Variants in PPFIA2 observed in about 807,000 individuals in gnomAD.
PPFIA2 encodes the protein liprin-alpha-2.
A neutral mutation model predicts 175.5 loss-of-function variants in PPFIA2; 46 were observed. The observed-to-expected ratio is 0.26, with a 90% CI of 0.21 to 0.34. The LOEUF is 0.34. Among genes scored for constraint, PPFIA2 ranks in the 10% least tolerant of loss-of-function variants. The pLI, the probability that PPFIA2 is intolerant of heterozygous loss-of-function variation, is 1.00. For missense variants in PPFIA2, 1,179 were observed against 1,506.1 expected, an observed-to-expected ratio of 0.78 and a Z score of 3.60; for synonymous variants, 568 against 511.4, an observed-to-expected ratio of 1.11 and a Z score of -1.49.
chr12:81,324,993 C>A (rs969909004), intron 22 of PPFIA2, among the ~76,000 whole-genome samples: 1 of 151,676 alleles, frequency 6.6e-6, no homozygotes, highest in African/African-American at 2.4e-5. Context: ...TATCTGTTAC[C>A]AAATGATGAT....
intron 3 of PPFIA2, among the ~76,000 whole-genome samples, chr12:81,725,147 T>A (rs908590638): frequency 9.9e-5 from 15 of 150,976 alleles, no homozygotes; most frequent in African/African-American, 3.6e-4. Context: ...TTTTTTTCAG[T>A]TATGTCAGAT....
chr12:81,363,578 GT>G (rs1374327895), intron 14 of PPFIA2, among the ~76,000 whole-genome samples: 2 of 151,414 alleles, frequency 1.3e-5, no homozygotes, highest in Non-Finnish European at 3.0e-5. Flanking sequence ...TTCTATTACT[GT>G]TTTTCCCCTT....
Position 81,341,183 on chromosome 12 carries a change from C to T in PPFIA2, c.2288G>A (p.Arg763Gln), listed in dbSNP as rs760419632. 6.8e-6 allele frequency: 11 copies of T among 1,611,652 alleles called. No homozygotes were observed. Among genetic ancestry groups the T allele is most frequent in the Non-Finnish European group, 7.6e-6 (9 of 1,178,480 alleles). The change falls in exon 20 of 33, where the codon CGA becomes CAA. Residue 763 changes from arginine (R) to glutamine (Q), a missense_variant. Physicochemically the swap from Arg to Gln is conservative, Grantham distance 43 (BLOSUM62 1). This residue lies in a region of PPFIA2 where 223 missense variants were observed against 241.6 expected (regional missense o/e 0.92). Coordinates refer to ENST00000549396, the MANE Select transcript of PPFIA2 (RefSeq NM_003625.5). ...RKIAVVEEDGREDKATIKCET... is the reference protein window; with the variant it reads ...RKIAVVEEDGQEDKATIKCET... Reference sequence around the variant, plus strand: ...ACATTTAATTGTTGCTTTGTCCTCTCGACCATCTTCTTCCACAACTGCAAT... The same window carrying T: ...ACATTTAATTGTTGCTTTGTCCTCTTGACCATCTTCTTCCACAACTGCAAT...
intron 4 of PPFIA2, among the ~76,000 whole-genome samples, chr12:81,519,250 T>C (rs1594377908): frequency 6.6e-6 from 1 of 152,224 alleles, no homozygotes; most frequent in African/African-American, 2.4e-5. Flanking sequence ...TATATTAATA[T>C]TGTGCTGGAA....
chr12:81,458,360 TA>T (rs1555399238), intron 4 of PPFIA2, among the ~76,000 whole-genome samples: 192 of 6,108 alleles, frequency 0.031, no homozygotes, highest in South Asian at 0.071. Context: ...TTTTACAAAA[TA>T]ACAAAATAAC....
chr12:81,329,816 T>G (rs141652604), intron 21 of PPFIA2, among the ~76,000 whole-genome samples: 2 of 152,314 alleles, frequency 1.3e-5, no homozygotes, highest in East Asian at 3.9e-4. Context: ...CTGGTCCCAG[T>G]GTCTGAACGG....
At chr12:81,263,138 G>C in intron 31 of PPFIA2, 93 bp downstream of exon 31, 2 of 1,296,306 alleles carry the variant, frequency 1.5e-6, no homozygotes, top group Non-Finnish European at 2.1e-6. Flanking sequence ...ACCAACTCAA[G>C]AAAATAATTC....
chr12:81,277,428 T>TAAAA lies in PPFIA2; in HGVS notation c.3213-18_3213-15dup, dbSNP rs751621027. On this transcript the variant is annotated splice_polypyrimidine_tract_variant and intron_variant, in intron 27 of 32. Transcript: ENST00000549396. Reference sequence around the variant, plus strand: ...TGTAAACTTGTTCTTTTTTTTTTATTAAAAAAAAAAAAACACAGTGAGTCT... The same window carrying TAAAA: ...TGTAAACTTGTTCTTTTTTTTTTATTAAAAAAAAAAAAAAAAACACAGTGAGTCT... 6.9e-6 allele frequency: 8 copies of TAAAA among 1,161,456 alleles called. No individual in the cohort carries two copies. Among genetic ancestry groups the TAAAA allele is most frequent in the Admixed American group, 3.2e-5 (1 of 31,134 alleles). 71.9% of individuals were successfully genotyped at this position (1,161,456 alleles called of 1,614,324 possible).
chr12:81,615,842 T>A (rs1749099070), intron 4 of PPFIA2, among the ~76,000 whole-genome samples: 1 of 152,046 alleles, frequency 6.6e-6, no homozygotes, highest in Admixed American at 6.6e-5. Flanking sequence ...AATAAGAGCA[T>A]GTTGTGCTGA....
chr12:81,484,307 A>G (rs1286309600), intron 4 of PPFIA2, among the ~76,000 whole-genome samples: 1 of 152,140 alleles, frequency 6.6e-6, no homozygotes, highest in East Asian at 1.9e-4. Flanking sequence ...TTTTAACCAC[A>G]GTGATGCTGA....
At chr12:81,482,333 T>C (rs996456529) in intron 4 of PPFIA2, among the ~76,000 whole-genome samples, 3 of 152,224 alleles carry the variant, frequency 2.0e-5, no homozygotes, top group Non-Finnish European at 4.4e-5. Context: ...AGTGTGGCAA[T>C]TCCTCAAGGA....
intron 28 of PPFIA2, among the ~76,000 whole-genome samples, chr12:81,276,009 C>G (rs1006872226): frequency 6.6e-6 from 1 of 152,132 alleles, no homozygotes; most frequent in Non-Finnish European, 1.5e-5. Context: ...TGGTCTTGAT[C>G]TCCTGACCTC....
chr12:81,393,961 T>C (rs1344309482), intron 8 of PPFIA2, among the ~76,000 whole-genome samples: 1 of 152,016 alleles, frequency 6.6e-6, no homozygotes, highest in Admixed American at 6.6e-5. Flanking sequence ...CATAAGATGG[T>C]TTAATTTGGC....
intron 4 of PPFIA2, among the ~76,000 whole-genome samples, chr12:81,559,367 A>G (rs1172128181): frequency 6.6e-6 from 1 of 152,244 alleles, no homozygotes; most frequent in African/African-American, 2.4e-5. Context: ...TTATAGGACA[A>G]TAAAACATGA....
At chr12:81,639,473 T>A (rs927234099) in intron 4 of PPFIA2, among the ~76,000 whole-genome samples, 16 of 151,968 alleles carry the variant, frequency 1.1e-4, no homozygotes, top group Middle Eastern at 3.4e-3. Context: ...TCTTCCCACC[T>A]CCAGCATGAC....
At chr12:81,314,656 T>C (rs1370522212) in intron 22 of PPFIA2, among the ~76,000 whole-genome samples, 2 of 151,898 alleles carry the variant, frequency 1.3e-5, no homozygotes, top group African/African-American at 4.8e-5. Flanking sequence ...CTCCTACAAT[T>C]GAATGAACCT....
At chr12:81,286,296 A>G (rs1242979213) in intron 24 of PPFIA2, among the ~76,000 whole-genome samples, 1 of 152,086 alleles carries the variant, frequency 6.6e-6, no homozygotes, top group African/African-American at 2.4e-5. Flanking sequence ...AGGTTTTTTT[A>G]TGAATTGTGT....
At chr12:81,495,232 T>C (rs996872282) in intron 4 of PPFIA2, among the ~76,000 whole-genome samples, 2 of 152,148 alleles carry the variant, frequency 1.3e-5, no homozygotes, top group Admixed American at 6.6e-5. Flanking sequence ...AAATTTGTTA[T>C]TCTATGTTTA....
intron 5 of PPFIA2, among the ~76,000 whole-genome samples, chr12:81,456,046 G>A (rs1463122285): frequency 6.6e-6 from 1 of 152,138 alleles, no homozygotes; most frequent in African/African-American, 2.4e-5. Flanking sequence ...CCTAACCAAA[G>A]CTTTGTATTT....
Sources: allele counts gnomAD v4.1 joint callset (sites outside exome capture counted in the v4.1 genomes callset), GRCh38; gene constraint gnomAD v4.1.1; regional missense constraint gnomAD v4.1.1; transcripts MANE v1.5; gene names NCBI Gene and HGNC (gene_info 2026-07-23, HGNC 2026-07-21).